The following CEP131 variants were observed in gnomAD, a reference collection of about 807,000 sequenced individuals.
The protein encoded by CEP131 is centrosomal protein 131.
CEP131 carries 99 observed loss-of-function variants against 136.8 expected under a neutral mutation model. That is an observed-to-expected ratio of 0.72 (90% CI 0.62 to 0.86). CEP131 has a LOEUF of 0.86. Among genes scored for constraint, CEP131 ranks in the 40% least tolerant of loss-of-function variants. The probability of loss-of-function intolerance (pLI) is 0.00; values close to 1 mark genes in which losing one functional copy is unlikely to be tolerated. For missense variants in CEP131, 1,459 were observed against 1,463.0 expected (o/e 1.00, Z 0.04); for synonymous variants, 646 against 612.7 (o/e 1.05, Z -0.80).
chr17:81,199,526 CAG>C lies in CEP131; in HGVS notation c.1045_1046del (p.Leu349GlufsTer14). The C allele has an allele frequency of 6.2e-7, 1 of 1,607,842 alleles. No individual in the cohort carries two copies. The highest frequency in any genetic ancestry group is 1.1e-5 in the South Asian group (1 of 90,188). On this transcript the variant is annotated frameshift_variant, in exon 10 of 26. Transcript: ENST00000450824. LOFTEE classifies it high-confidence loss of function. Reference sequence around the variant, plus strand: ...CGGCAGTGCTCGCCTTCTGGGCTCTCAGGGCTCGTTTCTGTTGCAGCTCCTGC... The same window carrying C: ...CGGCAGTGCTCGCCTTCTGGGCTCTCGGCTCGTTTCTGTTGCAGCTCCTGC... Reference protein sequence around the residue: ...AIQELQQKRALRAQKASTAER... With the variant: ...AIQELQQKRAXRAQKASTAER...
At chr17:81,218,093 A>G in intron 2 of CEP131, among the ~76,000 whole-genome samples, 1 of 137,062 alleles carries the variant, frequency 7.3e-6, no homozygotes, top group Admixed American at 8.6e-5. Context: ...CCCAGGCTGG[A>G]GTACAGTGGC....
At chr17:81,192,916 G>T (rs971410264) in intron 18 of CEP131, 73 bp from the exon 19 acceptor site, 5 of 1,534,832 alleles carry the variant, frequency 3.3e-6, no homozygotes, top group Non-Finnish European at 4.4e-6. Flanking sequence ...GCAGGGGCAC[G>T]GGCCGACCAC....
rs769178460 is a variant in CEP131, at chr17:81,197,894, G to C, written c.1471-6C>G. 5 of 1,609,382 alleles carry C rather than the reference G, an allele frequency of 3.1e-6. No homozygotes were observed. The highest frequency in any genetic ancestry group is 4.2e-6 in the Non-Finnish European group (5 of 1,177,332). On this transcript the variant is annotated splice_region_variant and splice_polypyrimidine_tract_variant and intron_variant, in intron 12 of 25. Transcript: ENST00000450824. Reference sequence around the variant, plus strand: ...AGAGAGCTGGCGTCATCCTCCTGTGGGACAGGAGCCCAGCATCGGGGGCTG... The same window carrying C: ...AGAGAGCTGGCGTCATCCTCCTGTGCGACAGGAGCCCAGCATCGGGGGCTG...
In CEP131 at chr17:81,199,834, T is replaced by A. The variant is rs2061850831; in HGVS notation, c.908A>T (p.Glu303Val). The change falls in exon 9 of 26, where the codon GAG becomes GTG. Residue 303 changes from glutamate to valine, a missense_variant and splice_region_variant. Around this residue, in one of 3 missense-constraint regions of CEP131, gnomAD observed 246 missense variants for 318.9 expected, o/e 0.77. Coordinates refer to ENST00000450824, the MANE Select transcript of CEP131 (RefSeq NM_014984.4). ...LEHLLQAKRE[E>V]QRQRSGEGTL... is the part of the protein sequence containing the mutation. ...CCCCTCGCCTGACCGCTGCCGCTGC[T>A]CCTGCCAAAGAAGCCGGTGCCATGT... is the stretch of plus-strand genomic sequence containing the variant. 9 of 1,610,658 alleles carry A rather than the reference T, an allele frequency of 5.6e-6. No individual in the cohort carries two copies. The highest frequency in any genetic ancestry group is 7.6e-6 in the Non-Finnish European group (9 of 1,179,866).
rs563917976 is a variant in CEP131, at chr17:81,199,285, C to T, written c.1192+96G>A. 1.8e-4 allele frequency: 250 copies of T among 1,368,518 alleles called. 1 individual carries two copies. In the African/African-American group the frequency reaches 3.2e-3, roughly 17 times the overall value. 84.8% of individuals were successfully genotyped at this position (1,368,518 alleles called of 1,614,324 possible). The stretch of plus-strand genomic sequence containing the variant: ...GGACTGGGGCCGCCAACATGGGCAG[C>T]AGCACAGGAGGCCGAGAGGAGGTCC... On this transcript the variant is annotated intron_variant, in intron 10 of 25. Transcript: ENST00000450824.
In CEP131 at chr17:81,190,997, C is replaced by T; in HGVS notation, c.2853G>A (p.Leu951=). ...CCTCGGCCTCCCCAAGCTGGCCCTTCAGCTCCGAGCACCGCTCCTGAAGCT... is the reference window on the plus strand; with the variant it reads ...CCTCGGCCTCCCCAAGCTGGCCCTTTAGCTCCGAGCACCGCTCCTGAAGCT... ...ERKLQERCSE[L]KGQLGEAEGE... is the part of the protein sequence containing the mutation. The change falls in exon 23 of 26, where the codon CTG becomes CTA. Residue 951 remains leucine, a synonymous_variant. Coordinates refer to ENST00000450824, the MANE Select transcript of CEP131 (RefSeq NM_014984.4). 6.2e-7 allele frequency: 1 copy of T among 1,608,968 alleles called. No homozygotes were observed. Among genetic ancestry groups the T allele is most frequent in the Admixed American group, 1.7e-5 (1 of 60,020 alleles).
chr17:81,199,785 C>A lies in CEP131; in HGVS notation c.957G>T (p.Gln319His), dbSNP rs752393673. 6.2e-7 allele frequency: 1 copy of A among 1,611,808 alleles called. No individual in the cohort carries two copies. The highest frequency in any genetic ancestry group is 1.1e-5 in the South Asian group (1 of 91,086). Residue 319 changes from glutamine (Q) to histidine (H), a missense_variant, in exon 9 of 26, where the codon CAG becomes CAT. Gln to His is a conservative substitution (Grantham distance 24). Coordinates refer to ENST00000450824, the MANE Select transcript of CEP131 (RefSeq NM_014984.4). ...GGGCCTTCCTCCTGGCTGCCTCTTTCTGCTGGTGCAGGTCCAAGAGGGTCC... is the reference window on the plus strand; with the variant it reads ...GGGCCTTCCTCCTGGCTGCCTCTTTATGCTGGTGCAGGTCCAAGAGGGTCC... ...GEGTLLDLHQ[Q>H]KEAARRKARE...
chr17:81,206,933 G>A, intron 4 of CEP131, 62 bp from the exon 5 acceptor site: 1 of 1,572,900 alleles, frequency 6.4e-7, no homozygotes, highest in Admixed American at 1.8e-5. Flanking sequence ...TCCCTTCCCT[G>A]CCTCTCCCAC....
Position 81,202,301 on chromosome 17 carries a change from T to G in CEP131, c.727A>C (p.Asn243His), listed in dbSNP as rs988714859. Reference sequence around the variant, plus strand: ...GGCAAGCCCGTGCTGCCCCCAGTATTGTTCCGGGCTGAGTGGGTGGCACTG... The same window carrying G: ...GGCAAGCCCGTGCTGCCCCCAGTATGGTTCCGGGCTGAGTGGGTGGCACTG... ...VSSATHSARN[N>H]TGGSTGLPRR... The change falls in exon 7 of 26, where the codon AAT (asparagine) becomes CAT (histidine). Residue 243 changes from asparagine to histidine, a missense_variant. By Grantham distance (68) the Asn-to-His change is moderately conservative (BLOSUM62 1). Around this residue, in one of 3 missense-constraint regions of CEP131, gnomAD observed 246 missense variants for 318.9 expected, o/e 0.77. Transcript: ENST00000450824. 3.7e-6 allele frequency: 6 copies of G among 1,613,424 alleles called. No individual in the cohort carries two copies. The Admixed American group carries it at 1.0e-4, about 27-fold the overall frequency.
rs377053628 is a variant in CEP131, at chr17:81,192,483, C to G, written c.2540G>C (p.Arg847Pro). 6.8e-6 allele frequency: 11 copies of G among 1,611,746 alleles called. No individual in the cohort carries two copies. The highest frequency in any genetic ancestry group is 9.3e-6 in the Non-Finnish European group (11 of 1,179,806). ...FEKGREEQER[R>P]HQMELNTLKQ... ...AGCCCTCCGGTGGTAGACCTGGTGC[C>G]GGCGCTCCTGCTCCTCCCTGCCCTT... The change falls in exon 20 of 26, where the codon CGG (arginine) becomes CCG (proline). Residue 847 changes from arginine (R) to proline (P), a missense_variant. By Grantham distance (103) the Arg-to-Pro change is moderately radical. This residue lies in a region of CEP131 where 1,026 missense variants were observed against 964.2 expected (regional missense o/e 1.06). Coordinates refer to ENST00000450824, the MANE Select transcript of CEP131 (RefSeq NM_014984.4).
At chr17:81,218,342 C>T (rs9788997) in intron 2 of CEP131, among the ~76,000 whole-genome samples, 10,129 of 152,306 alleles carry the variant, frequency 0.067, 433 homozygotes, top group East Asian at 0.16. Flanking sequence ...CTCGCCCAGC[C>T]CAGATCTGCG....
intron 7 of CEP131, among the ~76,000 whole-genome samples, 190 bp downstream of exon 7, chr17:81,202,050 G>C (rs1351179862): frequency 6.6e-6 from 1 of 151,370 alleles, no homozygotes; most frequent in Non-Finnish European, 1.5e-5. Flanking sequence ...GCAGCGAGCA[G>C]AGATCGCGCC....
chr17:81,191,213 A>C lies in CEP131; in HGVS notation c.2745T>G (p.Ser915Arg), dbSNP rs1056309452. ...EADMALAKEE[S>R]EKAAESRIKR... ...CTTACCGGCTCTCGGCAGCCTTCTC[A>C]CTCTCCTCCTTGGCCAGCGCCATGT... Residue 915 changes from serine (S) to arginine (R), a missense_variant, in exon 22 of 26, where the codon AGT becomes AGG. Ser to Arg is a moderately radical substitution (Grantham distance 110, BLOSUM62 -1). Transcript: ENST00000450824. The C allele has an allele frequency of 6.2e-7, 1 of 1,611,716 alleles. No individual in the cohort carries two copies. The highest frequency in any genetic ancestry group is 8.5e-7 in the Non-Finnish European group (1 of 1,179,636).
At chr17:81,217,406 C>G (rs2062271883) in intron 2 of CEP131, among the ~76,000 whole-genome samples, 1 of 151,918 alleles carries the variant, frequency 6.6e-6, no homozygotes, top group Non-Finnish European at 1.5e-5. Context: ...CCCCACCCCA[C>G]CCACAAACAC....
intron 7 of CEP131, among the ~76,000 whole-genome samples, chr17:81,201,712 C>A (rs2061894545): frequency 6.6e-6 from 1 of 152,202 alleles, no homozygotes; most frequent in Non-Finnish European, 1.5e-5. Context: ...CTCTCTGCCA[C>A]CCCTACACCA....
rs368609812 is a variant in CEP131, at chr17:81,220,025, G to A, written c.32C>T (p.Pro11Leu). The A allele has an allele frequency of 3.2e-5, 52 of 1,600,770 alleles. No homozygotes were observed. The highest frequency in any genetic ancestry group is 6.7e-5 in the African/African-American group (5 of 74,310). The change falls in exon 2 of 26, where the codon CCG becomes CTG. Residue 11 changes from proline (P) to leucine (L), a missense_variant. Transcript: ENST00000450824. Reference sequence around the variant, plus strand: ...GTCCACACCTGCTGGGCTGCGCTCCGGGACGCTGCCGATGGCCCGGGTGCC... The same window carrying A: ...GTCCACACCTGCTGGGCTGCGCTCCAGGACGCTGCCGATGGCCCGGGTGCC... The part of the protein sequence containing the change: MKGTRAIGSV[P>L]ERSPAGVDLS...
In CEP131 at chr17:81,208,094, C is replaced by T. The variant is rs552278395; in HGVS notation, c.272+834G>A. Among the ~76,000 whole-genome samples the T allele has an allele frequency of 6.9e-6, 1 of 144,314 alleles. No homozygotes were observed. The highest frequency in any genetic ancestry group is 2.3e-4 in the South Asian group (1 of 4,424). The allele number at this position is 144,314 out of a possible 152,430, so 94.7% of individuals were successfully genotyped here. A position where few individuals can be genotyped will look rare whatever the true frequency, so the allele number is the denominator to read the frequency against. On this transcript the variant is annotated intron_variant, in intron 3 of 25. Coordinates refer to ENST00000450824, the MANE Select transcript of CEP131 (RefSeq NM_014984.4). This position sits in a 1 kb window ranked among gnomAD's most constrained non-coding sequence, Gnocchi z 5.6. Reference sequence around the variant, plus strand: ...ACACCCACACACCACACCACACACACACACTTATGCCACACACCCACACAC... The same window carrying T: ...ACACCCACACACCACACCACACACATACACTTATGCCACACACCCACACAC...
At chr17:81,216,186 C>T (rs1350488784) in intron 2 of CEP131, among the ~76,000 whole-genome samples, 2 of 152,030 alleles carry the variant, frequency 1.3e-5, no homozygotes, top group Non-Finnish European at 2.9e-5. Context: ...ATGGCGAAAC[C>T]CCGTCGCTAC....
chr17:81,221,403 C>T (rs2062385996), intron 1 of CEP131, among the ~76,000 whole-genome samples: 1 of 152,174 alleles, frequency 6.6e-6, no homozygotes, highest in Non-Finnish European at 1.5e-5. Context: ...CGGGTCTCAG[C>T]TCGTGCATGT....
Sources: gnomAD v4.1 joint callset for allele counts (sites outside exome capture counted in the v4.1 genomes callset) on GRCh38, gnomAD v4.1.1 for gene constraint, gnomAD v4.1.1 regional missense constraint, Gnocchi (gnomAD v3.1) non-coding constraint, MANE v1.5 for transcripts, NCBI Gene and HGNC (gene_info 2026-07-23, HGNC 2026-07-21) for gene names.